NPY4R2: variants seen among roughly 807,000 people sequenced by gnomAD.
NPY4R2 encodes neuropeptide Y receptor type 4-2.
For synonymous variants in NPY4R2, 6 were observed against 115.2 expected (o/e 0.05, Z 6.07); for missense variants, 7 against 268.8 (o/e 0.03, Z 6.81).
At chr10:47,916,550 G>A (rs1841667602), upstream of NPY4R2, among the ~76,000 whole-genome samples, 1 of 130,324 alleles carries the variant, frequency 7.7e-6, no homozygotes, top group South Asian at 2.5e-4. Context: ...GCTGAGACAA[G>A]ACACTCTACT....
At chr10:47,920,260 A>T in intron 1 of NPY4R2, among the ~76,000 whole-genome samples, 1 of 94,886 alleles carries the variant, frequency 1.1e-5, no homozygotes, top group African/African-American at 5.3e-5. Flanking sequence ...TTTTTGAGAC[A>T]GAGTCTCGCT....
chr10:47,918,425 G>T, upstream of NPY4R2, among the ~76,000 whole-genome samples: 1 of 34,806 alleles, frequency 2.9e-5, no homozygotes, highest in African/African-American at 1.5e-4. Flanking sequence ...AAGAAAGAAA[G>T]AAAGAAAGAG....
chr10:47,920,577 A>ATTGATC (rs1473664433), intron 1 of NPY4R2, among the ~76,000 whole-genome samples, 161 bp from the exon 2 acceptor site: 3 of 126,018 alleles, frequency 2.4e-5, no homozygotes, highest in African/African-American at 9.1e-5. Context: ...GTGCTCTGCA[A>ATTGATC]AAACTGCCTT....
At chr10:47,916,729 G>A (rs1397023753), upstream of NPY4R2, among the ~76,000 whole-genome samples, 2 of 129,812 alleles carry the variant, frequency 1.5e-5, no homozygotes, top group African/African-American at 5.2e-5. Flanking sequence ...ACAAGAGCTA[G>A]GGTTCAGGCT....
Position 47,922,538 on chromosome 10 carries a change from TC to T in NPY4R2, c.553del (p.His185ThrfsTer76), listed in dbSNP as rs1554989496. On this transcript the variant is annotated frameshift_variant, in exon 3 of 3. Coordinates refer to ENST00000576178, the Ensembl canonical transcript of NPY4R2. LOFTEE classifies it high-confidence loss of function. ...GCCAACAGCATCCTGGAGAATGTCT[TC>T]CACAAGAACCACTCCAAGGCTCTGG... 2.2e-4 allele frequency: 238 copies of T among 1,096,494 alleles called. 4 individuals are homozygous for T. The South Asian group carries it at 2.7e-3, about 12-fold the overall frequency. 67.9% of individuals were successfully genotyped at this position (1,096,494 alleles called of 1,614,324 possible).
chr10:47,918,356 GGAGA>G (rs139901640), upstream of NPY4R2, among the ~76,000 whole-genome samples: 50 of 17,740 alleles, frequency 2.8e-3, 8 homozygotes, highest in African/African-American at 0.013. Flanking sequence ...GGGGAGGGAG[GGAGA>G]GAGAGAGAGA....
chr10:47,914,980 G>T (rs1322137698), upstream of NPY4R2, among the ~76,000 whole-genome samples: 1 of 152,292 alleles, frequency 6.6e-6, no homozygotes, highest in Non-Finnish European at 1.5e-5. Flanking sequence ...GAGGATCTTT[G>T]GTTCTCTGTT....
At chr10:47,916,365 C>G (rs1437657451), upstream of NPY4R2, among the ~76,000 whole-genome samples, 2 of 130,048 alleles carry the variant, frequency 1.5e-5, no homozygotes, top group African/African-American at 5.2e-5. Context: ...CCAGAGGGTG[C>G]TGTCTCCTTT....
Position 47,922,115 on chromosome 10 carries a change from T to C in NPY4R2, c.128T>C (p.Phe43Ser). 2 of 513,222 alleles carry C rather than the reference T, an allele frequency of 3.9e-6. 1 individual carries two copies. Among genetic ancestry groups the C allele is most frequent in the Non-Finnish European group, 5.5e-6 (2 of 360,804 alleles). 31.8% of individuals were successfully genotyped at this position (513,222 alleles called of 1,614,324 possible). A position where few individuals can be genotyped will look rare whatever the true frequency, so the allele number is the denominator to read the frequency against. Residue 43 changes from phenylalanine to serine, a missense_variant, in exon 3 of 3, where the codon TTC becomes TCC. Phe to Ser is a radical substitution (Grantham distance 155, BLOSUM62 -2). Coordinates refer to ENST00000576178, the Ensembl canonical transcript of NPY4R2. Reference sequence around the variant, plus strand: ...CAGGATTCCGTGGACGTGATGGTCTTCATTGTCACTTCCTACAGCATTGAG... The same window carrying C: ...CAGGATTCCGTGGACGTGATGGTCTCCATTGTCACTTCCTACAGCATTGAG...
At chr10:47,918,525 C>G (rs1241583210), upstream of NPY4R2, among the ~76,000 whole-genome samples, 1 of 37,680 alleles carries the variant, frequency 2.7e-5, no homozygotes, top group East Asian at 3.3e-4. Flanking sequence ...CAGTTCCGGG[C>G]AGGCCTTGGG....
chr10:47,918,383 G>GAGAGAGAGAAAGAAAGAA, upstream of NPY4R2, among the ~76,000 whole-genome samples: 1 of 10,502 alleles, frequency 9.5e-5, no homozygotes, highest in East Asian at 1.3e-3. Flanking sequence ...GAGAGAGAGA[G>GAGAGAGAGAAAGAAAGAA]AGAAAGAAAG....
At chr10:47,920,579 A>C (rs1237825843) in intron 1 of NPY4R2, among the ~76,000 whole-genome samples, 159 bp from the exon 2 acceptor site, 1 of 125,812 alleles carries the variant, frequency 7.9e-6, no homozygotes, top group Admixed American at 8.5e-5. Context: ...GCTCTGCAAA[A>C]ACTGCCTTAA....
chr10:47,916,733 T>G (rs1554991829), upstream of NPY4R2, among the ~76,000 whole-genome samples: 918 of 127,316 alleles, frequency 7.2e-3, 2 homozygotes, highest in Middle Eastern at 0.028. Context: ...GAGCTAGGGT[T>G]CAGGCTGCGT....
At chr10:47,914,960 CT>C (rs1841143741), upstream of NPY4R2, among the ~76,000 whole-genome samples, 1 of 152,284 alleles carries the variant, frequency 6.6e-6, no homozygotes, top group African/African-American at 2.4e-5. Flanking sequence ...TGTTGATTTC[CT>C]AAATGTGTGA....
At chr10:47,918,356 G>GGAGAGAGAGAGAGAGAGA (rs139901640), upstream of NPY4R2, among the ~76,000 whole-genome samples, 1 of 17,744 alleles carries the variant, frequency 5.6e-5, no homozygotes, top group African/African-American at 3.5e-4. Context: ...GGGGAGGGAG[G>GGAGAGAGAGAGAGAGAGA]GAGAGAGAGA....
chr10:47,919,947 C>G (rs1459894402), intron 1 of NPY4R2, among the ~76,000 whole-genome samples: 1 of 5,832 alleles, frequency 1.7e-4, no homozygotes. Flanking sequence ...ACTGGCCAAG[C>G]CTTGCTGATG....
Position 47,922,460 on chromosome 10 carries a change from TG to T in NPY4R2, c.477del (p.Ile160LeufsTer101). 1.4e-6 allele frequency: 1 copy of T among 728,002 alleles called. No homozygotes were observed. Among genetic ancestry groups the T allele is most frequent in the Non-Finnish European group, 2.2e-6 (1 of 453,580 alleles). The allele number at this position is 728,002 out of a possible 1,614,324, so 45.1% of individuals were successfully genotyped here. On this transcript the variant is annotated frameshift_variant, in exon 3 of 3. Transcript: ENST00000576178. LOFTEE classifies it high-confidence loss of function. ...AAGCCCAGCATCTCACAGGCCTACC[TG>T]GGGATTGTGCTCATCTGGGTCATTG...
At chr10:47,918,383 GAGAA>G (rs1227500817), upstream of NPY4R2, among the ~76,000 whole-genome samples, 247 of 10,500 alleles carry the variant, frequency 0.024, 69 homozygotes, top group East Asian at 0.067. Context: ...GAGAGAGAGA[GAGAA>G]AGAAAGAAAG....
In NPY4R2 at chr10:47,922,108, A is replaced by G. The variant is rs1554989943; in HGVS notation, c.121A>G (p.Met41Val). 2 of 510,350 alleles carry G rather than the reference A, an allele frequency of 3.9e-6. 1 individual carries two copies. Among genetic ancestry groups the G allele is most frequent in the East Asian group, 6.7e-5 (2 of 29,670 alleles). The allele number at this position is 510,350 out of a possible 1,614,324, so 31.6% of individuals were successfully genotyped here. Residue 41 changes from methionine to valine, a missense_variant, in exon 3 of 3, where the codon ATG becomes GTG. Physicochemically the swap from Met to Val is conservative, Grantham distance 21. Transcript: ENST00000576178. The stretch of plus-strand genomic sequence containing the variant: ...ACATTGCCAGGATTCCGTGGACGTG[A>G]TGGTCTTCATTGTCACTTCCTACAG...
Sources: allele counts gnomAD v4.1 joint callset (sites outside exome capture counted in the v4.1 genomes callset), GRCh38; gene constraint gnomAD v4.1.1; transcripts MANE v1.5; gene names NCBI Gene and HGNC (gene_info 2026-07-23, HGNC 2026-07-21).